EPHA5: variants seen among roughly 807,000 people sequenced by gnomAD.
EPHA5 encodes ephrin type-A receptor 5.
EPHA5 carries 60 observed loss-of-function variants against 105.0 expected under a neutral mutation model. The ratio of observed to expected loss-of-function variants is 0.57; its 90% confidence interval spans 0.46 to 0.71. The LOEUF (loss-of-function observed/expected upper bound fraction) is 0.71, where lower values mean the gene tolerates loss of function less well. EPHA5 is among the 30% of genes least tolerant of loss of function. EPHA5 has a pLI of 0.00. For synonymous variants in EPHA5, 513 were observed against 449.1 expected (o/e 1.14, Z -1.80); for missense variants, 1,218 against 1,274.7 (o/e 0.96, Z 0.68).
intron 8 of EPHA5, among the ~76,000 whole-genome samples, chr4:65,403,369 C>CT (rs35551342): frequency 3.9e-4 from 57 of 147,398 alleles, no homozygotes; most frequent in East Asian, 6.1e-4. Context: ...GATTTCCTGT[C>CT]TTTTTTTTTG....
intron 14 of EPHA5, among the ~76,000 whole-genome samples, chr4:65,342,964 G>T (rs1721876956): frequency 6.6e-6 from 1 of 151,910 alleles, no homozygotes; most frequent in Non-Finnish European, 1.5e-5. Context: ...AGAAAGCACA[G>T]AATCTGACTT....
Position 65,605,408 on chromosome 4 carries a change from G to A in EPHA5, c.247-3104C>T, listed in dbSNP as rs569433946. Among the ~76,000 whole-genome samples the A allele has an allele frequency of 1.2e-4, 19 of 152,268 alleles. 1 individual carries two copies. The South Asian group carries it at 3.9e-3, about 32-fold the overall frequency. ...GGCCTTCTGGTATCAAGCGCCTGCT[G>A]TTTCCTACCTTGTTGGCATTGCTCT... On this transcript the variant is annotated intron_variant, in intron 2 of 16. Transcript: ENST00000613740.
chr4:65,428,691 G>T (rs1724687262), intron 5 of EPHA5, among the ~76,000 whole-genome samples: 1 of 151,888 alleles, frequency 6.6e-6, no homozygotes, highest in South Asian at 2.1e-4. Context: ...TTTTTTCAAA[G>T]ACTTGAAAAT....
At chr4:65,572,461 C>A (rs1347411415) in intron 3 of EPHA5, among the ~76,000 whole-genome samples, 1 of 152,072 alleles carries the variant, frequency 6.6e-6, no homozygotes, top group Non-Finnish European at 1.5e-5. Context: ...CTTCTAAATG[C>A]TTACAAGCAT....
rs575608289 is a variant in EPHA5 at position 65,418,862 on chromosome 4, C to CTTTTTTTTTTTTTTTTTTTTTTTTT, written c.1527+1554_1527+1578dup. Among the ~76,000 whole-genome samples, 14 of 47,074 alleles carry CTTTTTTTTTTTTTTTTTTTTTTTTT rather than the reference C, an allele frequency of 3.0e-4. 3 individuals are homozygous for CTTTTTTTTTTTTTTTTTTTTTTTTT. Among genetic ancestry groups the CTTTTTTTTTTTTTTTTTTTTTTTTT allele is most frequent in the African/African-American group, 1.1e-3 (10 of 9,090 alleles). The allele number at this position is 47,074 out of a possible 152,430, so 30.9% of individuals were successfully genotyped here. A position where few individuals can be genotyped will look rare whatever the true frequency, so the allele number is the denominator to read the frequency against. On this transcript the variant is annotated intron_variant, in intron 6 of 16. Coordinates refer to ENST00000613740, the MANE Select transcript of EPHA5 (RefSeq NM_001281766.3). ...AACATTCAATACACTTACCTAAACTCTTTTTTTTTTTTTTTTTTTTTTTTT... is the reference window on the plus strand; with the variant it reads ...AACATTCAATACACTTACCTAAACTCTTTTTTTTTTTTTTTTTTTTTTTTTTTTTTTTTTTTTTTTTTTTTTTTTT...
At chr4:65,443,779 A>C (rs529567857) in intron 5 of EPHA5, among the ~76,000 whole-genome samples, 1 of 152,328 alleles carries the variant, frequency 6.6e-6, no homozygotes, top group South Asian at 2.1e-4. Flanking sequence ...GAACTCTGAC[A>C]GAAAACCATT....
chr4:65,601,172 G>C (rs552133242), intron 3 of EPHA5, among the ~76,000 whole-genome samples: 1 of 152,224 alleles, frequency 6.6e-6, no homozygotes, highest in African/African-American at 2.4e-5. Flanking sequence ...AGTTCATATG[G>C]CTGAACTTTT....
intron 14 of EPHA5, among the ~76,000 whole-genome samples, chr4:65,342,934 G>T (rs993282010): frequency 2.0e-5 from 3 of 151,818 alleles, no homozygotes; most frequent in Non-Finnish European, 4.4e-5. Context: ...AAAACGACTG[G>T]ATTAAAACTG....
At chr4:65,487,773 G>A (rs1731017955) in intron 5 of EPHA5, among the ~76,000 whole-genome samples, 2 of 152,126 alleles carry the variant, frequency 1.3e-5, no homozygotes, top group South Asian at 4.2e-4. Context: ...TTTTGACAGA[G>A]CTGATTTGAG....
At chr4:65,453,138 A>C (rs1396687267) in intron 5 of EPHA5, among the ~76,000 whole-genome samples, 1 of 152,190 alleles carries the variant, frequency 6.6e-6, no homozygotes, top group Non-Finnish European at 1.5e-5. Context: ...GAATTTTACT[A>C]TACCAGCACA....
At chr4:65,562,969 C>G (rs1003157170) in intron 3 of EPHA5, among the ~76,000 whole-genome samples, 2 of 150,902 alleles carry the variant, frequency 1.3e-5, no homozygotes, top group African/African-American at 4.9e-5. Context: ...AGAGCAAGAC[C>G]CAGTCTCTTA....
At chr4:65,643,840 G>T (rs1446253843) in intron 1 of EPHA5, among the ~76,000 whole-genome samples, 1 of 151,946 alleles carries the variant, frequency 6.6e-6, no homozygotes, top group Non-Finnish European at 1.5e-5. Context: ...TTTTCTTCTG[G>T]AAAGCTGTTA....
chr4:65,336,630 C>T lies in EPHA5; in HGVS notation c.2596-505G>A, dbSNP rs534713971. 5.9e-5 allele frequency among the ~76,000 whole-genome samples: 9 copies of T among 152,178 alleles called. No individual in the cohort carries two copies. In the South Asian group the frequency reaches 1.9e-3, roughly 32 times the overall value. On this transcript the variant is annotated intron_variant, in intron 14 of 16. Transcript: ENST00000613740. Reference sequence around the variant, plus strand: ...TAAGTCAAAGGCTAAATTAGCATAACTGTCTCATGTATCATTTAATAATGT... The same window carrying T: ...TAAGTCAAAGGCTAAATTAGCATAATTGTCTCATGTATCATTTAATAATGT...
At chr4:65,551,588 CAT>C (rs1737929252) in intron 3 of EPHA5, among the ~76,000 whole-genome samples, 1 of 152,096 alleles carries the variant, frequency 6.6e-6, no homozygotes, top group Non-Finnish European at 1.5e-5. Flanking sequence ...GTGTGCATAT[CAT>C]ATACAGCACT....
At chr4:65,510,096 G>A (rs989711486) in intron 3 of EPHA5, among the ~76,000 whole-genome samples, 1 of 148,486 alleles carries the variant, frequency 6.7e-6, no homozygotes, top group African/African-American at 2.5e-5. Context: ...GTGCAATGGC[G>A]AGATCTCCCC....
At chr4:65,431,681 G>A (rs895440310) in intron 5 of EPHA5, among the ~76,000 whole-genome samples, 12 of 151,968 alleles carry the variant, frequency 7.9e-5, no homozygotes, top group Non-Finnish European at 1.3e-4. Context: ...ACAATTCCAC[G>A]TGTCCTGGCC....
Position 65,320,896 on chromosome 4 carries a change from A to G in EPHA5, c.*3218T>C, listed in dbSNP as rs1719588473. On this transcript the variant is annotated 3_prime_UTR_variant, in exon 17 of 17. Transcript: ENST00000613740. ...AATATAATTTTTACAGTAATCTTAC[A>G]ACCTTAGAATACTGACTTGGTAATT... 8.7e-6 allele frequency: 2 copies of G among 230,330 alleles called. No homozygotes were observed. The highest frequency in any genetic ancestry group is 1.7e-5 in the Non-Finnish European group (2 of 116,198). The allele number at this position is 230,330 out of a possible 1,614,324, so 14.3% of individuals were successfully genotyped here.
At chr4:65,567,034 A>G (rs1157173814) in intron 3 of EPHA5, among the ~76,000 whole-genome samples, 1 of 151,646 alleles carries the variant, frequency 6.6e-6, no homozygotes, top group African/African-American at 2.4e-5. Flanking sequence ...AACACTCCAC[A>G]CTTTTATTTG....
intron 3 of EPHA5, among the ~76,000 whole-genome samples, chr4:65,514,676 G>A (rs75546675): frequency 6.6e-6 from 1 of 152,036 alleles, no homozygotes; most frequent in Non-Finnish European, 1.5e-5. Context: ...ATTTTTAAAG[G>A]TTTGTTATAC....
Sources: gnomAD v4.1 joint callset for allele counts (sites outside exome capture counted in the v4.1 genomes callset) on GRCh38, gnomAD v4.1.1 for gene constraint, MANE v1.5 for transcripts, NCBI Gene and HGNC (gene_info 2026-07-23, HGNC 2026-07-21) for gene names.